Variants in OTUD7A observed in about 807,000 individuals in gnomAD.
OTUD7A encodes the protein OTU domain-containing protein 7A.
In OTUD7A, 12 loss-of-function variants were observed where a neutral mutation model predicts 65.7. The ratio of observed to expected loss-of-function variants is 0.18; its 90% CI spans 0.12 to 0.30. The LOEUF (loss-of-function observed/expected upper bound fraction) is 0.30, where lower values mean the gene tolerates loss of function less well. Ranked by LOEUF, OTUD7A falls within the 10% of genes least tolerant of loss-of-function variation. The probability of loss-of-function intolerance (pLI) is 1.00; values close to 1 mark genes in which losing one functional copy is unlikely to be tolerated. For missense variants in OTUD7A, 1,148 were observed against 1,304.8 expected (o/e 0.88, Z 1.85); for synonymous variants, 641 against 586.3 (o/e 1.09, Z -1.35).
intron 1 of OTUD7A, among the ~76,000 whole-genome samples, chr15:31,665,721 T>A (rs1892300032): frequency 6.6e-6 from 1 of 152,214 alleles, no homozygotes; most frequent in South Asian, 2.1e-4. Flanking sequence ...AGAGTGGGCA[T>A]CCTTGTCTTG....
At chr15:31,663,699 T>C (rs1158727251) in intron 1 of OTUD7A, among the ~76,000 whole-genome samples, 2 of 152,142 alleles carry the variant, frequency 1.3e-5, no homozygotes, top group Non-Finnish European at 2.9e-5. Context: ...CATAAGTTAT[T>C]GGGGTACAGG....
At chr15:31,720,690 G>A (rs1237847369) in intron 1 of OTUD7A, among the ~76,000 whole-genome samples, 3 of 152,012 alleles carry the variant, frequency 2.0e-5, no homozygotes, top group South Asian at 2.1e-4. Flanking sequence ...GTGAGCCACC[G>A]CACCTGGACA....
At chr15:31,511,824 C>A (rs1304177171) in intron 8 of OTUD7A, among the ~76,000 whole-genome samples, 1 of 149,176 alleles carries the variant, frequency 6.7e-6, no homozygotes, top group Non-Finnish European at 1.5e-5. Context: ...AACTCCTCCC[C>A]CATGGGGATT....
chr15:31,766,548 A>G, intron 1 of OTUD7A: 1 of 1,613,134 alleles, frequency 6.2e-7, no homozygotes, highest in Non-Finnish European at 8.5e-7. Context: ...AGCTGTTTGC[A>G]CACTTGTGCT....
intron 1 of OTUD7A, among the ~76,000 whole-genome samples, chr15:31,703,925 A>C (rs1477276281): frequency 6.8e-6 from 1 of 146,412 alleles, no homozygotes; most frequent in Non-Finnish European, 1.5e-5. Flanking sequence ...ACTTGGATGA[A>C]TATCCAGGGA....
At chr15:31,635,938 C>T (rs12900803) in intron 3 of OTUD7A, among the ~76,000 whole-genome samples, 43,662 of 152,166 alleles carry the variant, frequency 0.29, 7,398 homozygotes, top group African/African-American at 0.47. Flanking sequence ...AAACAGGGGG[C>T]GTGGCAGTTC....
intron 8 of OTUD7A, among the ~76,000 whole-genome samples, chr15:31,509,641 ATG>A (rs1320650303): frequency 6.6e-6 from 1 of 152,046 alleles, no homozygotes; most frequent in African/African-American, 2.4e-5. Flanking sequence ...TCATATTTTT[ATG>A]TCTTTTTGTA....
chr15:31,859,576 AAT>A (rs1232219787), intron 1 of OTUD7A, among the ~76,000 whole-genome samples: 2 of 152,162 alleles, frequency 1.3e-5, no homozygotes, highest in African/African-American at 4.8e-5. Flanking sequence ...CTTGTGGGAT[AAT>A]ATATAAGAAG....
At position 31,796,171 on chromosome 15, in the gene OTUD7A, A is replaced by G. The variant is rs62002713; in HGVS notation, c.-100+74336T>C. ...TGTGTGTGTGTGTGTGTGTGTATCT[A>G]TGTATGTATCTATGCATTATCTATC... is the stretch of plus-strand genomic sequence containing the variant. On this transcript the variant is annotated intron_variant, in intron 1 of 12. Coordinates refer to ENST00000307050, the MANE Select transcript of OTUD7A (RefSeq NM_001382637.1). 3.9e-3 allele frequency among the ~76,000 whole-genome samples: 309 copies of G among 78,936 alleles called. 2 individuals carry two copies. The highest frequency in any genetic ancestry group is 0.01 in the African/African-American group (263 of 25,752). 51.8% of individuals were successfully genotyped at this position (78,936 alleles called of 152,430 possible).
At chr15:31,609,619 T>C (rs1890337770) in intron 3 of OTUD7A, among the ~76,000 whole-genome samples, 1 of 152,276 alleles carries the variant, frequency 6.6e-6, no homozygotes, top group East Asian at 1.9e-4. Flanking sequence ...CCCCCATTGA[T>C]GGTCCTTCCC....
intron 1 of OTUD7A, among the ~76,000 whole-genome samples, chr15:31,771,702 C>T (rs1028898003): frequency 1.3e-5 from 2 of 152,192 alleles, no homozygotes; most frequent in Non-Finnish European, 2.9e-5. Context: ...AAATAACCAA[C>T]AGCATCACAA....
At chr15:31,811,496 T>C (rs1264044487) in intron 1 of OTUD7A, among the ~76,000 whole-genome samples, 3 of 151,988 alleles carry the variant, frequency 2.0e-5, no homozygotes, top group Non-Finnish European at 4.4e-5. Context: ...GTGATGTGTA[T>C]GTAAGTGCAT....
intron 8 of OTUD7A, among the ~76,000 whole-genome samples, chr15:31,506,901 T>C (rs1266657856): frequency 6.6e-6 from 1 of 152,214 alleles, no homozygotes; most frequent in Non-Finnish European, 1.5e-5. Flanking sequence ...ATATAGTTTA[T>C]ATTTGGTTGA....
intron 1 of OTUD7A, among the ~76,000 whole-genome samples, chr15:31,786,561 GC>G (rs1299146532): frequency 6.6e-6 from 1 of 152,192 alleles, no homozygotes; most frequent in Non-Finnish European, 1.5e-5. Flanking sequence ...GGCTTTGTGG[GC>G]GTGTGGTGCT....
intron 1 of OTUD7A, among the ~76,000 whole-genome samples, chr15:31,686,044 G>A (rs1286088710): frequency 2.0e-5 from 3 of 152,248 alleles, no homozygotes. Flanking sequence ...CAGCACCAGG[G>A]CTTTGAAGAG....
chr15:31,664,490 T>C (rs550248866), intron 1 of OTUD7A, among the ~76,000 whole-genome samples: 2 of 151,934 alleles, frequency 1.3e-5, no homozygotes, highest in East Asian at 3.9e-4. Context: ...ATTCATATCC[T>C]TAGCCCACTT....
chr15:31,756,228 G>A (rs1894808117), intron 1 of OTUD7A, among the ~76,000 whole-genome samples: 1 of 152,266 alleles, frequency 6.6e-6, no homozygotes, highest in East Asian at 1.9e-4. Context: ...CTTTTACAGT[G>A]TATCTTTCTT....
chr15:31,503,333 T>C (rs1009837154), intron 9 of OTUD7A, among the ~76,000 whole-genome samples: 2 of 152,086 alleles, frequency 1.3e-5, no homozygotes, highest in African/African-American at 4.8e-5. Flanking sequence ...TGCGGAGGGG[T>C]GGGAACACAC....
intron 3 of OTUD7A, among the ~76,000 whole-genome samples, chr15:31,627,704 C>A (rs1290584541): frequency 1.3e-5 from 2 of 152,216 alleles, no homozygotes; most frequent in Non-Finnish European, 2.9e-5. Flanking sequence ...TACACTCCCA[C>A]CAACAGTGTA....
Sources: gnomAD v4.1 joint callset for allele counts (sites outside exome capture counted in the v4.1 genomes callset) on GRCh38, gnomAD v4.1.1 for gene constraint, MANE v1.5 for transcripts, NCBI Gene and HGNC (gene_info 2026-07-23, HGNC 2026-07-21) for gene names.